The following GNA14 variants were observed in gnomAD, a reference collection of about 807,000 sequenced individuals.
The protein encoded by GNA14 is guanine nucleotide-binding protein subunit alpha-14.
GNA14 carries 50 observed loss-of-function variants against 42.0 expected under a neutral mutation model. That is an observed-to-expected ratio of 1.19 (90% CI 0.95 to 1.51). The LOEUF (loss-of-function observed/expected upper bound fraction) is 1.51, where lower values mean the gene tolerates loss of function less well. Among genes scored for constraint, GNA14 ranks in the 40% most tolerant of loss-of-function variants. GNA14 has a pLI of 0.00. For missense variants in GNA14, 473 were observed against 446.2 expected (o/e 1.06, Z -0.54); for synonymous variants, 173 against 163.1 (o/e 1.06, Z -0.46).
At chr9:77,584,567 G>C (rs899287686) in intron 1 of GNA14, among the ~76,000 whole-genome samples, 23 of 144,002 alleles carry the variant, frequency 1.6e-4, no homozygotes, top group African/African-American at 6.0e-4. Context: ...GGAAGAGCCA[G>C]CAAGCCCAAA....
intron 2 of GNA14, among the ~76,000 whole-genome samples, chr9:77,452,306 A>C (rs1279375294): frequency 6.6e-6 from 1 of 152,188 alleles, no homozygotes; most frequent in East Asian, 1.9e-4. Context: ...TGGAGAATTT[A>C]GTCTCTCTGC....
Position 77,490,502 on chromosome 9 carries a change from C to A in GNA14, c.309+38567G>T, listed in dbSNP as rs1007159836. On this transcript the variant is annotated intron_variant, in intron 2 of 6. Transcript: ENST00000341700. ...GAGGCAAGGGAAGGCTCAGGCATGG[C>A]GGGCTGCAGTCCCGAGGCCTGCCTC... Among the ~76,000 whole-genome samples the A allele has an allele frequency of 5.3e-5, 8 of 152,250 alleles. No homozygotes were observed. In the East Asian group the frequency reaches 9.6e-4, roughly 18 times the overall value.
At chr9:77,552,389 T>C (rs1837797192) in intron 1 of GNA14, among the ~76,000 whole-genome samples, 1 of 152,078 alleles carries the variant, frequency 6.6e-6, no homozygotes, top group Non-Finnish European at 1.5e-5. Context: ...TTTCTTGGGT[T>C]TTTATAGCTT....
At chr9:77,485,184 A>G (rs1435566826) in intron 2 of GNA14, among the ~76,000 whole-genome samples, 1 of 152,206 alleles carries the variant, frequency 6.6e-6, no homozygotes, top group Non-Finnish European at 1.5e-5. Flanking sequence ...TTTATCAACT[A>G]AACTTATATA....
At chr9:77,553,424 G>A (rs535921106) in intron 1 of GNA14, among the ~76,000 whole-genome samples, 1 of 152,054 alleles carries the variant, frequency 6.6e-6, no homozygotes, top group South Asian at 2.1e-4. Flanking sequence ...TCAATCCCAG[G>A]TGAGTCAATG....
chr9:77,520,296 A>G (rs1474823732), intron 2 of GNA14, among the ~76,000 whole-genome samples: 1 of 152,216 alleles, frequency 6.6e-6, no homozygotes, highest in Non-Finnish European at 1.5e-5. Context: ...TGTTTGAGGC[A>G]TTCATTGATC....
At chr9:77,518,804 C>G (rs1484338921) in intron 2 of GNA14, among the ~76,000 whole-genome samples, 4 of 152,190 alleles carry the variant, frequency 2.6e-5, no homozygotes, top group Non-Finnish European at 5.9e-5. Context: ...CCAAGTTACA[C>G]AAACCAGCCC....
intron 1 of GNA14, among the ~76,000 whole-genome samples, chr9:77,538,605 C>T (rs1260357664): frequency 1.3e-5 from 2 of 152,144 alleles, no homozygotes; most frequent in African/African-American, 2.4e-5. Context: ...CAATTTATTT[C>T]AGTAGCATTT....
At chr9:77,647,594 G>A (rs1824378801) in intron 1 of GNA14, 76 bp downstream of exon 1, 3 of 1,503,384 alleles carry the variant, frequency 2.0e-6, no homozygotes, top group Non-Finnish European at 1.8e-6. Flanking sequence ...AGGGCCGCGC[G>A]GGTGCCAGTG....
intron 2 of GNA14, among the ~76,000 whole-genome samples, chr9:77,465,671 ATT>A (rs11326483): frequency 7.9e-5 from 12 of 150,994 alleles, no homozygotes; most frequent in Admixed American, 2.0e-4. Context: ...TTGATATAGG[ATT>A]TTTTTTTTTG....
chr9:77,493,026 A>AATATATATAT (rs1172872010), intron 2 of GNA14, among the ~76,000 whole-genome samples: 41 of 51,698 alleles, frequency 7.9e-4, no homozygotes, highest in East Asian at 2.3e-3. Context: ...AAAAAAAAAA[A>AATATATATAT]ATATATATAT....
chr9:77,645,830 T>C (rs894212131), intron 1 of GNA14, among the ~76,000 whole-genome samples: 4 of 152,140 alleles, frequency 2.6e-5, no homozygotes, highest in Non-Finnish European at 5.9e-5. Flanking sequence ...ACTTCATACA[T>C]TGACACAAAT....
chr9:77,619,463 A>C (rs1823888450), intron 1 of GNA14, among the ~76,000 whole-genome samples: 1 of 152,130 alleles, frequency 6.6e-6, no homozygotes, highest in Non-Finnish European at 1.5e-5. Context: ...AGCCTCCCAA[A>C]GTGCTGGGAT....
At chr9:77,472,036 T>C (rs1836340242) in intron 2 of GNA14, among the ~76,000 whole-genome samples, 1 of 152,198 alleles carries the variant, frequency 6.6e-6, no homozygotes, top group Non-Finnish European at 1.5e-5. Flanking sequence ...CTTGGAGTTA[T>C]ATTTGTCTTT....
At chr9:77,632,354 G>T (rs1824111840) in intron 1 of GNA14, among the ~76,000 whole-genome samples, 2 of 152,194 alleles carry the variant, frequency 1.3e-5, no homozygotes, top group Admixed American at 6.5e-5. Context: ...GGGCCTGAAG[G>T]CTGTTGGCTG....
intron 1 of GNA14, among the ~76,000 whole-genome samples, chr9:77,641,620 G>A (rs541650275): frequency 2.6e-5 from 4 of 152,194 alleles, no homozygotes; most frequent in Admixed American, 6.5e-5. Context: ...ATTCAGTGTC[G>A]TAGAAGCAAT....
chr9:77,458,009 G>A (rs1291673393), intron 2 of GNA14, among the ~76,000 whole-genome samples: 2 of 152,184 alleles, frequency 1.3e-5, no homozygotes, highest in East Asian at 3.9e-4. Flanking sequence ...TTTTGAAACG[G>A]TGGTTTTAAT....
intron 2 of GNA14, among the ~76,000 whole-genome samples, chr9:77,512,289 G>A (rs1837183998): frequency 6.6e-6 from 1 of 152,106 alleles, no homozygotes; most frequent in Non-Finnish European, 1.5e-5. Context: ...AGGGACTAGA[G>A]GAGTTTTAGT....
chr9:77,527,294 T>G (rs1837454990), intron 2 of GNA14, among the ~76,000 whole-genome samples: 1 of 152,154 alleles, frequency 6.6e-6, no homozygotes, highest in Admixed American at 6.5e-5. Flanking sequence ...GATACAGCAA[T>G]GTATAAAGGA....
Sources: gnomAD v4.1 joint callset for allele counts (sites outside exome capture counted in the v4.1 genomes callset) on GRCh38, gnomAD v4.1.1 for gene constraint, MANE v1.5 for transcripts, NCBI Gene and HGNC (gene_info 2026-07-23, HGNC 2026-07-21) for gene names.